Variants in ABHD4 observed in about 807,000 individuals in gnomAD.
ABHD4 encodes abhydrolase domain containing 4, N-acyl phospholipase B.
In ABHD4, 35 loss-of-function variants were observed where a neutral mutation model predicts 42.3. The ratio of observed to expected loss-of-function variants is 0.83; its 90% CI spans 0.63 to 1.10. The LOEUF (loss-of-function observed/expected upper bound fraction) is 1.10. Among genes scored for constraint, ABHD4 ranks in the 50% least tolerant of loss-of-function variants. The pLI, the probability that ABHD4 is intolerant of heterozygous loss-of-function variation, is 0.00. For synonymous variants in ABHD4, 169 were observed against 170.6 expected, an observed-to-expected ratio of 0.99 and a Z score of 0.07; for missense variants, 389 against 454.8, an observed-to-expected ratio of 0.86 and a Z score of 1.32.
At chr14:22,608,601 C>T (rs1237575448) in intron 5 of ABHD4, among the ~76,000 whole-genome samples, 2 of 152,214 alleles carry the variant, frequency 1.3e-5, no homozygotes, top group East Asian at 1.9e-4. Context: ...AACTTCTGAC[C>T]ATGTCTCTAG....
In ABHD4 at chr14:22,606,394, C is replaced by T. The variant is rs1260227422; in HGVS notation, c.641-28C>T. ...TCCCTGCCCCACCTCCCAAATTGGCCTGTCTGTGTTTTTCTATCCCCTCCC... is the reference window on the plus strand; with the variant it reads ...TCCCTGCCCCACCTCCCAAATTGGCTTGTCTGTGTTTTTCTATCCCCTCCC... On this transcript the variant is annotated intron_variant, in intron 4 of 6. Coordinates refer to ENST00000428304, the MANE Select transcript of ABHD4 (RefSeq NM_022060.3). 5 of 1,558,832 alleles carry T rather than the reference C, an allele frequency of 3.2e-6. No homozygotes were observed. In the African/African-American group the frequency reaches 4.0e-5, roughly 13 times the overall value.
intron 4 of ABHD4, 149 bp downstream of exon 4, chr14:22,604,228 T>C (rs1566382562): frequency 1.0e-6 from 1 of 968,002 alleles, no homozygotes; most frequent in East Asian, 2.6e-5. Flanking sequence ...TGTTCAAGGT[T>C]TGAGAAGGTT....
At chr14:22,608,438 G>A (rs2037372333) in intron 5 of ABHD4, among the ~76,000 whole-genome samples, 1 of 152,216 alleles carries the variant, frequency 6.6e-6, no homozygotes, top group Non-Finnish European at 1.5e-5. Context: ...AATGACCGGG[G>A]AGTGAAATAG....
rs752797081 is a variant in ABHD4, at chr14:22,606,462, C to A, written c.681C>A (p.Arg227=). The change falls in exon 5 of 7, where the codon CGC becomes CGA. Residue 227 remains arginine, a synonymous_variant. Transcript: ENST00000428304. ...AGCGATTCCGGCCGGACTTCAAACG[C>A]AAGTTTGCAGACTTCTTTGAAGATG... ...LVQRFRPDFK[R]KFADFFEDDT... is the part of the protein sequence containing the mutation. 4.3e-6 allele frequency: 7 copies of A among 1,613,548 alleles called. No homozygotes were observed. The South Asian group carries it at 7.7e-5, about 18-fold the overall frequency.
intron 5 of ABHD4, among the ~76,000 whole-genome samples, chr14:22,606,816 A>T (rs1355539076): frequency 6.6e-6 from 1 of 152,220 alleles, no homozygotes; most frequent in Non-Finnish European, 1.5e-5. Context: ...AGTCTGGAAA[A>T]TATTAATATT....
chr14:22,609,583 TA>T, intron 5 of ABHD4, 140 bp from the exon 6 acceptor site: 1 of 955,288 alleles, frequency 1.0e-6, no homozygotes, highest in Non-Finnish European at 1.5e-6. Flanking sequence ...GGTCTTCCCC[TA>T]ATCTTACCAA....
chr14:22,599,803 C>A (rs1253102512), intron 1 of ABHD4, among the ~76,000 whole-genome samples: 4 of 152,164 alleles, frequency 2.6e-5, no homozygotes, highest in Admixed American at 2.6e-4. Context: ...TCTTGGTCCC[C>A]GTGCTTCAAG....
rs903856091 is a variant in ABHD4 at position 22,606,301 on chromosome 14, A to C, written c.641-121A>C. On this transcript the variant is annotated intron_variant, in intron 4 of 6. Transcript: ENST00000428304. ...CTGCCGCTGTAGTGTTAAATGAATA[A>C]AGCAAACAAACCCTTAGGAGAAATA... The C allele has an allele frequency of 5.7e-6, 4 of 699,326 alleles. No homozygotes were observed. The African/African-American group carries it at 7.1e-5, about 12-fold the overall frequency. The allele number at this position is 699,326 out of a possible 1,614,324, so 43.3% of individuals were successfully genotyped here. A position where few individuals can be genotyped will look rare whatever the true frequency, so the allele number is the denominator to read the frequency against.
In ABHD4 at chr14:22,609,810, A is replaced by T. The variant is rs775843498; in HGVS notation, c.839A>T (p.Asp280Val). Residue 280 changes from aspartate (D) to valine (V), a missense_variant, in exon 6 of 7, where the codon GAT becomes GTT. Coordinates refer to ENST00000428304, the MANE Select transcript of ABHD4 (RefSeq NM_022060.3). ...GAGCGAATTCACTTGATTCGAAAAG[A>T]TGTGCCTATCACTATGATCTACGGG... ...MLERIHLIRK[D>V]VPITMIYGSD... 1.2e-6 allele frequency: 2 copies of T among 1,614,158 alleles called. No homozygotes were observed. Among genetic ancestry groups the T allele is most frequent in the Non-Finnish European group, 1.7e-6 (2 of 1,180,036 alleles).
chr14:22,607,718 GC>G (rs975441718), intron 5 of ABHD4, among the ~76,000 whole-genome samples: 1 of 152,148 alleles, frequency 6.6e-6, no homozygotes, highest in Non-Finnish European at 1.5e-5. Flanking sequence ...CACAGGCCCA[GC>G]CCTAGCCCTT....
In ABHD4 at chr14:22,611,036, CAACT is replaced by C; in HGVS notation, c.*92_*95del. ...CTCACCCACTCTGTCCTTTCCTCAC[CAACT>C]AACATGTGCCAGCCAGGCAGAGTCT... On this transcript the variant is annotated 3_prime_UTR_variant, in exon 7 of 7. Transcript: ENST00000428304. 1 of 1,188,470 alleles carries C rather than the reference CAACT, an allele frequency of 8.4e-7. No homozygotes were observed. The highest frequency in any genetic ancestry group is 2.4e-5 in the East Asian group (1 of 40,902). The allele number at this position is 1,188,470 out of a possible 1,614,324, so 73.6% of individuals were successfully genotyped here.
chr14:22,610,883 G>A lies in ABHD4; in HGVS notation c.964G>A (p.Val322Ile). 2 of 1,614,160 alleles carry A rather than the reference G, an allele frequency of 1.2e-6. No homozygotes were observed. Among genetic ancestry groups the A allele is most frequent in the South Asian group, 2.2e-5 (2 of 91,080 alleles). The part of the protein sequence containing the change: ...DMEIKGASHH[V>I]YADQPHIFNA... The stretch of plus-strand genomic sequence containing the variant: ...GGAGATTAAGGGTGCCTCCCACCAT[G>A]TCTATGCTGACCAGCCACACATCTT... The change falls in exon 7 of 7, where the codon GTC becomes ATC. Residue 322 changes from valine (V) to isoleucine (I), a missense_variant. Coordinates refer to ENST00000428304, the MANE Select transcript of ABHD4 (RefSeq NM_022060.3).
Position 22,603,407 on chromosome 14 carries a change from C to G in ABHD4, c.130C>G (p.Leu44Val). The G allele has an allele frequency of 6.2e-7, 1 of 1,614,196 alleles. No individual in the cohort carries two copies. Among genetic ancestry groups the G allele is most frequent in the Non-Finnish European group, 8.5e-7 (1 of 1,180,032 alleles). Residue 44 changes from leucine (L) to valine (V), a missense_variant, in exon 3 of 7, where the codon CTG becomes GTG. By Grantham distance (32) the Leu-to-Val change is conservative. Transcript: ENST00000428304. The stretch of plus-strand genomic sequence containing the variant: ...CTCCCCAGGTCTCCAGAATAAGTTC[C>G]TGGCCAGATATGTATCCCTCCCAAA... ...RILQCLQNKF[L>V]ARYVSLPNQN...
rs2037425779 is a variant in ABHD4, at chr14:22,612,426, A to G, written c.*1478A>G. The G allele has an allele frequency of 6.6e-6, 1 of 152,136 alleles. No homozygotes were observed. The highest frequency in any genetic ancestry group is 2.1e-4 in the South Asian group (1 of 4,828). 9.4% of individuals were successfully genotyped at this position (152,136 alleles called of 1,614,324 possible). ...TGCTGAATTCGCAACAGCCTGTGTG[A>G]TGCCTGAGAGAAGGGAGTCCTGAGG... On this transcript the variant is annotated 3_prime_UTR_variant, in exon 7 of 7. Transcript: ENST00000428304.
chr14:22,603,655 A>G lies in ABHD4; in HGVS notation c.378A>G (p.Thr126=), dbSNP rs373191531. Residue 126 remains threonine, a synonymous_variant, in exon 3 of 7, where the codon ACA becomes ACG. Coordinates refer to ENST00000428304, the MANE Select transcript of ABHD4 (RefSeq NM_022060.3). ...DPEGAEDEFV[T]SIETWRETMG... ...AGGGGGCTGAGGATGAGTTTGTGACATCGATAGAGACATGGCGGGAGACCA... is the reference window on the plus strand; with the variant it reads ...AGGGGGCTGAGGATGAGTTTGTGACGTCGATAGAGACATGGCGGGAGACCA... The G allele has an allele frequency of 2.8e-5, 45 of 1,613,972 alleles. No homozygotes were observed. The highest frequency in any genetic ancestry group is 3.6e-5 in the Non-Finnish European group (42 of 1,180,004).
intron 6 of ABHD4, among the ~76,000 whole-genome samples, chr14:22,610,484 G>A (rs942119269): frequency 6.6e-6 from 1 of 152,152 alleles, no homozygotes; most frequent in African/African-American, 2.4e-5. Flanking sequence ...AGTAGAGGCT[G>A]CCATGAAGCT....
At chr14:22,602,543 G>T (rs1237051963) in intron 2 of ABHD4, among the ~76,000 whole-genome samples, 1 of 152,098 alleles carries the variant, frequency 6.6e-6, no homozygotes, top group Admixed American at 6.5e-5. Context: ...CTCACCCGAG[G>T]CTCAGTCCAC....
In ABHD4 at chr14:22,611,146, G is replaced by T. The variant is rs889987222; in HGVS notation, c.*198G>T. ...AAGGCTGAAGGCAGAAGCCACAAGAGGCCTTGAGTGCCACCCCCAGGGAAG... is the reference window on the plus strand; with the variant it reads ...AAGGCTGAAGGCAGAAGCCACAAGATGCCTTGAGTGCCACCCCCAGGGAAG... On this transcript the variant is annotated 3_prime_UTR_variant, in exon 7 of 7. Coordinates refer to ENST00000428304, the MANE Select transcript of ABHD4 (RefSeq NM_022060.3). 1 of 580,012 alleles carries T rather than the reference G, an allele frequency of 1.7e-6. No homozygotes were observed. The highest frequency in any genetic ancestry group is 2.9e-5 in the East Asian group (1 of 34,748). 35.9% of individuals were successfully genotyped at this position (580,012 alleles called of 1,614,324 possible).
intron 1 of ABHD4, among the ~76,000 whole-genome samples, chr14:22,601,034 C>G (rs1169854558): frequency 6.6e-6 from 1 of 152,138 alleles, no homozygotes. Flanking sequence ...GAAAACAAGA[C>G]CAGAGGGAAC....
Sources: gnomAD v4.1 joint callset for allele counts (sites outside exome capture counted in the v4.1 genomes callset) on GRCh38, gnomAD v4.1.1 for gene constraint, MANE v1.5 for transcripts, NCBI Gene and HGNC (gene_info 2026-07-23, HGNC 2026-07-21) for gene names.